Variants in ONECUT2 observed in about 807,000 individuals in gnomAD.
ONECUT2 encodes one cut homeobox 2, also known as one cut domain family member 2.
In ONECUT2, 10 loss-of-function variants were observed where a neutral mutation model predicts 27.9. The observed-to-expected ratio is 0.36, with a 90% CI of 0.22 to 0.61. The LOEUF (loss-of-function observed/expected upper bound fraction) is 0.61, where lower values mean the gene tolerates loss of function less well. ONECUT2 is among the 20% of genes least tolerant of loss of function. ONECUT2 has a pLI of 0.73. For missense variants in ONECUT2, 686 were observed against 721.0 expected (o/e 0.95, Z 0.56); for synonymous variants, 334 against 315.1 (o/e 1.06, Z -0.64).
At chr18:57,439,232 C>T (rs3786484) in intron 1 of ONECUT2, among the ~76,000 whole-genome samples, 17,799 of 152,242 alleles carry the variant, frequency 0.12, 1,340 homozygotes, top group South Asian at 0.3. Context: ...CGGGGGTCCT[C>T]AGCCCCACCC....
intron 1 of ONECUT2, among the ~76,000 whole-genome samples, chr18:57,463,486 T>C (rs2050304010): frequency 6.6e-6 from 1 of 152,068 alleles, no homozygotes; most frequent in Non-Finnish European, 1.5e-5. Context: ...CCTTTCCTCT[T>C]GAAAGGAAGG....
At chr18:57,475,754 C>A (rs553708978) in intron 1 of ONECUT2, among the ~76,000 whole-genome samples, 126 of 152,176 alleles carry the variant, frequency 8.3e-4, no homozygotes, top group African/African-American at 2.8e-3. Flanking sequence ...CCACCCTCAT[C>A]CCCTGTCTTG....
At chr18:57,445,602 G>A (rs185277997) in intron 1 of ONECUT2, among the ~76,000 whole-genome samples, 41 of 152,148 alleles carry the variant, frequency 2.7e-4, no homozygotes, top group Middle Eastern at 3.4e-3. Context: ...TAATGATTTC[G>A]TAGGTGAGCT....
chr18:57,480,934 C>G lies in ONECUT2; in HGVS notation c.*4211C>G, dbSNP rs1054621566. 6.6e-6 allele frequency: 1 copy of G among 152,160 alleles called. No individual in the cohort carries two copies. Among genetic ancestry groups the G allele is most frequent in the African/African-American group, 2.4e-5 (1 of 41,428 alleles). 9.4% of individuals were successfully genotyped at this position (152,160 alleles called of 1,614,324 possible). The stretch of plus-strand genomic sequence containing the variant: ...AAGGAAAATTCCAGGCATTCCTCAA[C>G]CATCAGGAAAAGGTACAGTGTGAAG... On this transcript the variant is annotated 3_prime_UTR_variant, in exon 2 of 2. Coordinates refer to ENST00000491143, the MANE Select transcript of ONECUT2 (RefSeq NM_004852.3).
At chr18:57,443,748 T>C (rs2050187589) in intron 1 of ONECUT2, among the ~76,000 whole-genome samples, 1 of 152,126 alleles carries the variant, frequency 6.6e-6, no homozygotes, top group African/African-American at 2.4e-5. Context: ...GCTGTGCAGA[T>C]AGAGATAGCC....
At chr18:57,464,813 C>G (rs2050311791) in intron 1 of ONECUT2, among the ~76,000 whole-genome samples, 1 of 152,202 alleles carries the variant, frequency 6.6e-6, no homozygotes, top group African/African-American at 2.4e-5. Context: ...TTCGTAGCCA[C>G]ATAGGGCTGT....
intron 1 of ONECUT2, among the ~76,000 whole-genome samples, chr18:57,463,237 C>T (rs542403372): frequency 2.6e-5 from 4 of 152,260 alleles, no homozygotes; most frequent in African/African-American, 9.6e-5. Context: ...TCATTGAATC[C>T]AGTGTCCATA....
rs1340321944 is a variant in ONECUT2, at chr18:57,480,945, AG to A, written c.*4224del. On this transcript the variant is annotated 3_prime_UTR_variant, in exon 2 of 2. Coordinates refer to ENST00000491143, the MANE Select transcript of ONECUT2 (RefSeq NM_004852.3). ...CAGGCATTCCTCAACCATCAGGAAA[AG>A]GTACAGTGTGAAGGAACAGTTCTCA... The A allele has an allele frequency of 6.6e-6, 1 of 152,218 alleles. No homozygotes were observed. The highest frequency in any genetic ancestry group is 2.4e-5 in the African/African-American group (1 of 41,452). 9.4% of individuals were successfully genotyped at this position (152,218 alleles called of 1,614,324 possible). A position where few individuals can be genotyped will look rare whatever the true frequency, so the allele number is the denominator to read the frequency against.
In ONECUT2 at chr18:57,479,184, T is replaced by C. The variant is rs2050402370; in HGVS notation, c.*2461T>C. 1 of 152,512 alleles carries C rather than the reference T, an allele frequency of 6.6e-6. No individual in the cohort carries two copies. Among genetic ancestry groups the C allele is most frequent in the Admixed American group, 6.6e-5 (1 of 15,266 alleles). The allele number at this position is 152,512 out of a possible 1,614,324, so 9.4% of individuals were successfully genotyped here. A position where few individuals can be genotyped will look rare whatever the true frequency, so the allele number is the denominator to read the frequency against. ...TCCCGAGCCACAGAACCAAAGAGTT[T>C]ATAGAGGAATTTACAGCCTCGTTTT... On this transcript the variant is annotated 3_prime_UTR_variant, in exon 2 of 2. Transcript: ENST00000491143.
chr18:57,472,688 TTAAA>T (rs1316549629), intron 1 of ONECUT2, among the ~76,000 whole-genome samples: 1 of 152,134 alleles, frequency 6.6e-6, no homozygotes, highest in African/African-American at 2.4e-5. Flanking sequence ...TATTTTTATC[TTAAA>T]TATGTGTGTG....
Position 57,490,877 on chromosome 18 carries a change from C to G in ONECUT2, c.*14154C>G, listed in dbSNP as rs2279099. 6.6e-6 allele frequency: 1 copy of G among 152,568 alleles called. No individual in the cohort carries two copies. The highest frequency in any genetic ancestry group is 6.5e-5 in the Admixed American group (1 of 15,278). The allele number at this position is 152,568 out of a possible 1,614,324, so 9.5% of individuals were successfully genotyped here. A position where few individuals can be genotyped will look rare whatever the true frequency, so the allele number is the denominator to read the frequency against. On this transcript the variant is annotated 3_prime_UTR_variant, in exon 2 of 2. Coordinates refer to ENST00000491143, the MANE Select transcript of ONECUT2 (RefSeq NM_004852.3). ...CACCCCTAAAATTTGCACTCTCTTC[C>G]GTTTTGAAAAAGAAAACCCACACAC...
At chr18:57,458,687 A>G (rs2050273409) in intron 1 of ONECUT2, among the ~76,000 whole-genome samples, 1 of 152,104 alleles carries the variant, frequency 6.6e-6, no homozygotes, top group South Asian at 2.1e-4. Flanking sequence ...TGATGAGTGA[A>G]CATCCTTGTA....
intron 1 of ONECUT2, among the ~76,000 whole-genome samples, chr18:57,448,062 G>C (rs369199700): frequency 3.3e-5 from 5 of 152,148 alleles, no homozygotes; most frequent in East Asian, 1.9e-4. Context: ...CAGTTGCTTT[G>C]CTTTATTTCT....
At chr18:57,467,558 G>C (rs1310466929) in intron 1 of ONECUT2, among the ~76,000 whole-genome samples, 1 of 151,970 alleles carries the variant, frequency 6.6e-6, no homozygotes, top group Non-Finnish European at 1.5e-5. Context: ...GTAGAGACAG[G>C]GTTTCACCAT....
intron 1 of ONECUT2, among the ~76,000 whole-genome samples, chr18:57,475,420 C>T (rs188473954): frequency 1.3e-5 from 2 of 152,256 alleles, no homozygotes; most frequent in Admixed American, 1.3e-4. Context: ...CTGTATTTAA[C>T]CTTTACAGGT....
At chr18:57,470,356 C>T (rs2050346574) in intron 1 of ONECUT2, among the ~76,000 whole-genome samples, 1 of 152,170 alleles carries the variant, frequency 6.6e-6, no homozygotes, top group Non-Finnish European at 1.5e-5. Flanking sequence ...AAGGGGTTTT[C>T]CAAGATCAAA....
chr18:57,451,401 G>A (rs928683100), intron 1 of ONECUT2, among the ~76,000 whole-genome samples: 12 of 152,152 alleles, frequency 7.9e-5, no homozygotes, highest in African/African-American at 2.7e-4. Flanking sequence ...GCAGGGTTGC[G>A]CTGGGCAGGA....
At chr18:57,475,984 T>G (rs1598944904) in intron 1 of ONECUT2, among the ~76,000 whole-genome samples, 1 of 152,296 alleles carries the variant, frequency 6.6e-6, no homozygotes, top group East Asian at 1.9e-4. Context: ...TGAAAAACTA[T>G]GCACTTTTAA....
chr18:57,450,891 T>C (rs1413433895), intron 1 of ONECUT2, among the ~76,000 whole-genome samples: 1 of 152,242 alleles, frequency 6.6e-6, no homozygotes, highest in Non-Finnish European at 1.5e-5. Flanking sequence ...TATTTTCCTT[T>C]GATGAATCCA....
Sources: gnomAD v4.1 joint callset for allele counts (sites outside exome capture counted in the v4.1 genomes callset) on GRCh38, gnomAD v4.1.1 for gene constraint, MANE v1.5 for transcripts, NCBI Gene and HGNC (gene_info 2026-07-23, HGNC 2026-07-21) for gene names.